CDH2: variants seen among roughly 807,000 people sequenced by gnomAD.
The protein encoded by CDH2 is cadherin 2.
In CDH2, 17 loss-of-function variants were observed where a neutral mutation model predicts 92.0. The ratio of observed to expected loss-of-function variants is 0.18; its 90% CI spans 0.13 to 0.28. The LOEUF (loss-of-function observed/expected upper bound fraction) is 0.28. CDH2 is among the 10% of genes least tolerant of loss of function. CDH2 has a pLI of 1.00. For missense variants in CDH2, 862 were observed against 1,133.1 expected, an observed-to-expected ratio of 0.76 and a Z score of 3.44; for synonymous variants, 419 against 415.9, an observed-to-expected ratio of 1.01 and a Z score of -0.09.
At chr18:28,126,917 G>A (rs902477821) in intron 2 of CDH2, among the ~76,000 whole-genome samples, 8 of 152,118 alleles carry the variant, frequency 5.3e-5, no homozygotes, top group African/African-American at 1.9e-4. Context: ...CAGCCGGGAC[G>A]CATCAATAAG....
intron 1 of CDH2, among the ~76,000 whole-genome samples, chr18:28,169,932 T>G (rs2016439824): frequency 6.6e-6 from 1 of 152,338 alleles, no homozygotes; most frequent in East Asian, 1.9e-4. Flanking sequence ...CACATACTAG[T>G]AAGGTCCACT....
At chr18:28,089,120 C>A (rs149171217) in intron 2 of CDH2, among the ~76,000 whole-genome samples, 37 of 152,268 alleles carry the variant, frequency 2.4e-4, no homozygotes, top group African/African-American at 8.7e-4. Flanking sequence ...GTCTCCTTTA[C>A]ATGTCATTCA....
chr18:27,938,730 C>T (rs550026201), intron 6 of CDH2, among the ~76,000 whole-genome samples: 1 of 152,046 alleles, frequency 6.6e-6, no homozygotes, highest in African/African-American at 2.4e-5. Flanking sequence ...TTTAAATCAC[C>T]TCACCATCAA....
At chr18:28,096,238 A>G (rs2015132594) in intron 2 of CDH2, among the ~76,000 whole-genome samples, 1 of 152,198 alleles carries the variant, frequency 6.6e-6, no homozygotes. Context: ...GTGACAAAGG[A>G]AAGGCTTTAC....
chr18:28,031,553 TCTC>T (rs577966816), intron 2 of CDH2, among the ~76,000 whole-genome samples: 86 of 152,158 alleles, frequency 5.7e-4, no homozygotes, highest in African/African-American at 2.0e-3. Context: ...TCTTTCCTCT[TCTC>T]CTAGCTCACT....
chr18:28,080,227 G>C (rs543742683), intron 2 of CDH2, among the ~76,000 whole-genome samples: 2 of 152,332 alleles, frequency 1.3e-5, no homozygotes, highest in East Asian at 3.9e-4. Context: ...GTCACTACCT[G>C]TGAAATCCAA....
intron 10 of CDH2, among the ~76,000 whole-genome samples, chr18:27,989,828 AT>A (rs1026131893): frequency 5.9e-5 from 9 of 152,274 alleles, no homozygotes; most frequent in Admixed American, 3.3e-4. Context: ...ATTTTAAAGT[AT>A]TTTTTAAGTA....
intron 14 of CDH2, among the ~76,000 whole-genome samples, chr18:27,965,362 T>C (rs950424913): frequency 6.6e-6 from 1 of 152,202 alleles, no homozygotes; most frequent in Admixed American, 6.5e-5. Flanking sequence ...GCGAGGTAGG[T>C]ATAGAGACTT....
downstream of CDH2, among the ~76,000 whole-genome samples, chr18:27,947,758 G>A (rs142573575): frequency 3.8e-5 from 2 of 53,200 alleles, no homozygotes; most frequent in Non-Finnish European, 8.9e-5. Context: ...TGTATATGAT[G>A]TAAGTATATG....
intron 2 of CDH2, among the ~76,000 whole-genome samples, chr18:28,037,158 A>C (rs1456125423): frequency 6.6e-6 from 1 of 152,218 alleles, no homozygotes; most frequent in African/African-American, 2.4e-5. Flanking sequence ...TGTCAAAAAA[A>C]GTGTTATCTG....
chr18:28,162,612 C>T (rs1341447124), intron 1 of CDH2, among the ~76,000 whole-genome samples: 1 of 152,132 alleles, frequency 6.6e-6, no homozygotes, highest in African/African-American at 2.4e-5. Flanking sequence ...CTTTTAAATC[C>T]TCATTCTAAA....
intron 6 of CDH2, among the ~76,000 whole-genome samples, chr18:27,939,994 G>A (rs1310758032): frequency 6.6e-6 from 1 of 152,126 alleles, no homozygotes; most frequent in Non-Finnish European, 1.5e-5. Flanking sequence ...TTCAATTTGG[G>A]ACCACCCTGA....
At chr18:27,993,864 G>C (rs775669739) in intron 7 of CDH2, among the ~76,000 whole-genome samples, 1 of 152,148 alleles carries the variant, frequency 6.6e-6, no homozygotes, top group Non-Finnish European at 1.5e-5. Context: ...TGGCAGAAAG[G>C]AATGCACTGC....
intron 2 of CDH2, among the ~76,000 whole-genome samples, chr18:28,061,192 A>T (rs2014395834): frequency 6.6e-6 from 1 of 152,188 alleles, no homozygotes; most frequent in Non-Finnish European, 1.5e-5. Context: ...TATATATTGT[A>T]CTTTTACTAG....
chr18:28,004,849 C>T (rs2012869979), intron 6 of CDH2, among the ~76,000 whole-genome samples: 1 of 152,114 alleles, frequency 6.6e-6, no homozygotes, highest in South Asian at 2.1e-4. Context: ...CACCCTACCC[C>T]TACATCTTTT....
chr18:28,130,711 T>C lies in CDH2; in HGVS notation c.172+16962A>G, dbSNP rs1342630609. 2.6e-5 allele frequency among the ~76,000 whole-genome samples: 4 copies of C among 152,162 alleles called. No individual in the cohort carries two copies. In the East Asian group the frequency reaches 5.8e-4, roughly 22 times the overall value. ...TGGGCTCTGTCCCCAGTGACTGAAGTTGAAAATTCTGTTACCTCCTTAGGG... is the reference window on the plus strand; with the variant it reads ...TGGGCTCTGTCCCCAGTGACTGAAGCTGAAAATTCTGTTACCTCCTTAGGG... On this transcript the variant is annotated intron_variant, in intron 2 of 15. Transcript: ENST00000269141.
rs563591026 is a variant in CDH2, at chr18:28,066,823, A to G, written c.173-52914T>C. On this transcript the variant is annotated intron_variant, in intron 2 of 15. Coordinates refer to ENST00000269141, the MANE Select transcript of CDH2 (RefSeq NM_001792.5). ...ACTTACTAGACTCAACTCTTGCATCATTTATGTATATACTCCTCCAATGTG... is the reference window on the plus strand; with the variant it reads ...ACTTACTAGACTCAACTCTTGCATCGTTTATGTATATACTCCTCCAATGTG... 9.2e-5 allele frequency among the ~76,000 whole-genome samples: 14 copies of G among 152,292 alleles called. No individual in the cohort carries two copies. The South Asian group carries it at 2.5e-3, about 27-fold the overall frequency.
At chr18:28,009,176 T>G (rs1462998180) in intron 5 of CDH2, among the ~76,000 whole-genome samples, 1 of 152,142 alleles carries the variant, frequency 6.6e-6, no homozygotes, top group Non-Finnish European at 1.5e-5. Flanking sequence ...GTAAAAACGA[T>G]GTTATACTAT....
chr18:28,166,297 C>T (rs1004591954), intron 1 of CDH2, among the ~76,000 whole-genome samples: 1 of 151,290 alleles, frequency 6.6e-6, no homozygotes, highest in Admixed American at 6.6e-5. Flanking sequence ...TTATTTTGCA[C>T]CCTAAAATGT....
Sources: gnomAD v4.1 joint callset for allele counts (sites outside exome capture counted in the v4.1 genomes callset) on GRCh38, gnomAD v4.1.1 for gene constraint, MANE v1.5 for transcripts, NCBI Gene and HGNC (gene_info 2026-07-23, HGNC 2026-07-21) for gene names.